The following NOTCH2NLC variants were observed in gnomAD, a reference collection of about 807,000 sequenced individuals.
NOTCH2NLC encodes the protein notch 2 N-terminal like C.
Under a neutral mutation model 17.7 loss-of-function variants are expected in NOTCH2NLC, and 4 were observed. The ratio of observed to expected loss-of-function variants is 0.23; its 90% CI spans 0.11 to 0.52. The LOEUF (loss-of-function observed/expected upper bound fraction) is 0.52. Among genes scored for constraint, NOTCH2NLC ranks in the 20% least tolerant of loss-of-function variants. NOTCH2NLC has a pLI of 0.96. For missense variants in NOTCH2NLC, 57 were observed against 207.2 expected (o/e 0.28, Z 4.45); for synonymous variants, 18 against 86.0 (o/e 0.21, Z 4.38).
At chr1:149,401,147 CT>C in intron 1 of NOTCH2NLC, among the ~76,000 whole-genome samples, 1 of 147,200 alleles carries the variant, frequency 6.8e-6, no homozygotes, top group South Asian at 2.2e-4. Context: ...GAGTAGATTG[CT>C]TTTTTTCCAA....
chr1:149,407,215 G>T (rs1156399941), intron 1 of NOTCH2NLC, among the ~76,000 whole-genome samples: 1 of 147,700 alleles, frequency 6.8e-6, no homozygotes, highest in Non-Finnish European at 1.5e-5. Context: ...GGTTTAAAAT[G>T]TTAGAAGCAG....
In NOTCH2NLC at chr1:149,428,873, G is replaced by A. The variant is rs1325190925; in HGVS notation, c.136-2069G>A. On this transcript the variant is annotated intron_variant, in intron 1 of 4. Coordinates refer to ENST00000650865, the MANE Select transcript of NOTCH2NLC (RefSeq NM_001364013.2). ...CAGGGCATTCCTTTCCTACTGTGAC[G>A]GTTTTATTTATTTATTATTTTATTT... is the stretch of plus-strand genomic sequence containing the variant. Among the ~76,000 whole-genome samples, 89 of 150,110 alleles carry A rather than the reference G, an allele frequency of 5.9e-4. 2 individuals are homozygous for A. The highest frequency in any genetic ancestry group is 2.0e-3 in the African/African-American group (84 of 41,070).
chr1:149,424,370 G>A (rs1330919531), intron 1 of NOTCH2NLC, among the ~76,000 whole-genome samples: 1 of 149,902 alleles, frequency 6.7e-6, no homozygotes, highest in Non-Finnish European at 1.5e-5. Context: ...TATTTTGTTT[G>A]TATTTATCTT....
chr1:149,393,592 C>G lies in NOTCH2NLC; in HGVS notation c.135+2670C>G, dbSNP rs1282254538. On this transcript the variant is annotated intron_variant, in intron 1 of 4. Coordinates refer to ENST00000650865, the MANE Select transcript of NOTCH2NLC (RefSeq NM_001364013.2). Reference sequence around the variant, plus strand: ...GGACCATCCTCTTGCTCCTTGTTTTCTTTTGCTTTGCAATGGGAAGTGACT... The same window carrying G: ...GGACCATCCTCTTGCTCCTTGTTTTGTTTTGCTTTGCAATGGGAAGTGACT... 2.0e-5 allele frequency among the ~76,000 whole-genome samples: 3 copies of G among 148,118 alleles called. No individual in the cohort carries two copies. In the Admixed American group the frequency reaches 2.0e-4, roughly 10 times the overall value.
At chr1:149,398,255 C>G (rs1364474506) in intron 1 of NOTCH2NLC, among the ~76,000 whole-genome samples, 1 of 150,510 alleles carries the variant, frequency 6.6e-6, no homozygotes, top group South Asian at 2.1e-4. Flanking sequence ...GGGGAAAAGA[C>G]AAAAACCCCT....
chr1:149,424,393 T>G (rs1178412318), intron 1 of NOTCH2NLC, among the ~76,000 whole-genome samples: 6,827 of 143,342 alleles, frequency 0.048, 217 homozygotes, highest in Middle Eastern at 0.076. Context: ...AGTCATTTGG[T>G]TAGGTCACAT....
intron 1 of NOTCH2NLC, among the ~76,000 whole-genome samples, chr1:149,409,400 A>C (rs2084286726): frequency 6.6e-6 from 1 of 150,458 alleles, no homozygotes; most frequent in South Asian, 2.1e-4. Flanking sequence ...CTTTTTTTAT[A>C]ATAGTGCTTA....
rs1409442612 is a variant in NOTCH2NLC, at chr1:149,467,297, G to GC, written c.*3146dup. 1 of 122,666 alleles carries GC rather than the reference G, an allele frequency of 8.2e-6. No individual in the cohort carries two copies. The highest frequency in any genetic ancestry group is 3.1e-5 in the African/African-American group (1 of 32,736). 7.6% of individuals were successfully genotyped at this position (122,666 alleles called of 1,614,324 possible). A position where few individuals can be genotyped will look rare whatever the true frequency, so the allele number is the denominator to read the frequency against. On this transcript the variant is annotated 3_prime_UTR_variant, in exon 5 of 5. Coordinates refer to ENST00000650865, the MANE Select transcript of NOTCH2NLC (RefSeq NM_001364013.2). ...CTTTTTCAACTCTGAGTCAGTGAAT[G>GC]CCACATAACTTAGTGACTATATTTA...
At chr1:149,424,213 C>A (rs2084398214) in intron 1 of NOTCH2NLC, among the ~76,000 whole-genome samples, 1 of 151,168 alleles carries the variant, frequency 6.6e-6, no homozygotes, top group Admixed American at 6.6e-5. Flanking sequence ...GCTGATAAAC[C>A]TGAATAAATA....
chr1:149,448,827 G>A (rs1187157639), intron 2 of NOTCH2NLC, among the ~76,000 whole-genome samples: 12 of 141,316 alleles, frequency 8.5e-5, no homozygotes, highest in South Asian at 4.7e-4. Context: ...TGAAGCACAC[G>A]CACTCTAGAG....
intron 2 of NOTCH2NLC, among the ~76,000 whole-genome samples, chr1:149,450,115 T>TCATCTTG (rs2084583292): frequency 6.9e-6 from 1 of 145,088 alleles, no homozygotes; most frequent in Non-Finnish European, 1.5e-5. Context: ...GGCATATGTT[T>TCATCTTG]TCAGTTATCT....
chr1:149,461,580 A>T (rs1458200736), intron 3 of NOTCH2NLC, among the ~76,000 whole-genome samples: 3 of 151,310 alleles, frequency 2.0e-5, no homozygotes, highest in Non-Finnish European at 3.0e-5. Context: ...TTTCCTAGAC[A>T]GTCAACTGGA....
At chr1:149,400,538 A>T (rs1570899286) in intron 1 of NOTCH2NLC, among the ~76,000 whole-genome samples, 1 of 143,278 alleles carries the variant, frequency 7.0e-6, no homozygotes, top group Admixed American at 7.1e-5. Context: ...TCATAGGTTA[A>T]TTTTTTTTAA....
chr1:149,461,714 A>G (rs1176440492), intron 3 of NOTCH2NLC, among the ~76,000 whole-genome samples: 1 of 151,310 alleles, frequency 6.6e-6, no homozygotes, highest in African/African-American at 2.4e-5. Context: ...TCACAATAGC[A>G]AAGACTTGGA....
intron 1 of NOTCH2NLC, among the ~76,000 whole-genome samples, chr1:149,412,130 A>C (rs1368768019): frequency 0.021 from 2,803 of 133,806 alleles, 40 homozygotes; most frequent in Non-Finnish European, 0.028. Context: ...AAAAAAAAAA[A>C]CAAAAAAAAA....
At chr1:149,419,734 T>G (rs1471727150) in intron 1 of NOTCH2NLC, among the ~76,000 whole-genome samples, 1 of 150,094 alleles carries the variant, frequency 6.7e-6, no homozygotes, top group Non-Finnish European at 1.5e-5. Context: ...CATTATTATT[T>G]TTTTCTGTTG....
chr1:149,424,753 A>G (rs2084403241), intron 1 of NOTCH2NLC, among the ~76,000 whole-genome samples: 1 of 151,330 alleles, frequency 6.6e-6, no homozygotes, highest in Non-Finnish European at 1.5e-5. Context: ...CAAGAAGTTT[A>G]GAGCCAACAT....
At chr1:149,424,520 G>A (rs1178629521) in intron 1 of NOTCH2NLC, among the ~76,000 whole-genome samples, 1 of 150,918 alleles carries the variant, frequency 6.6e-6, no homozygotes, top group Non-Finnish European at 1.5e-5. Flanking sequence ...AATGCTGACA[G>A]TAGTTTCTTG....
intron 1 of NOTCH2NLC, among the ~76,000 whole-genome samples, chr1:149,414,664 A>G (rs1160208950): frequency 1.3e-5 from 2 of 150,838 alleles, no homozygotes; most frequent in Non-Finnish European, 3.0e-5. Context: ...TTTTTAGCCC[A>G]TAAATATGGA....
Sources: allele counts gnomAD v4.1 joint callset (sites outside exome capture counted in the v4.1 genomes callset), GRCh38; gene constraint gnomAD v4.1.1; transcripts MANE v1.5; gene names NCBI Gene and HGNC (gene_info 2026-07-23, HGNC 2026-07-21).